Variants in RBMS3 observed in about 807,000 individuals in gnomAD.
RBMS3 encodes RNA-binding motif, single-stranded-interacting protein 3.
RBMS3 carries 27 observed loss-of-function variants against 66.8 expected under a neutral mutation model. That is an observed-to-expected ratio of 0.40 (90% CI 0.30 to 0.56). The LOEUF (loss-of-function observed/expected upper bound fraction) is 0.56, where lower values mean the gene tolerates loss of function less well. Ranked by LOEUF, RBMS3 falls within the 20% of genes least tolerant of loss-of-function variation. The probability of loss-of-function intolerance (pLI) is 0.40; values close to 1 mark genes in which losing one functional copy is unlikely to be tolerated. For missense variants in RBMS3, 513 were observed against 549.5 expected (o/e 0.93, Z 0.66); for synonymous variants, 188 against 183.0 (o/e 1.03, Z -0.22).
At chr3:29,608,307 A>G (rs1441590628) in intron 4 of RBMS3, among the ~76,000 whole-genome samples, 1 of 152,006 alleles carries the variant, frequency 6.6e-6, no homozygotes, top group Non-Finnish European at 1.5e-5. Context: ...TCTGAGTTAA[A>G]ATCAAACAAA....
chr3:29,376,911 A>C (rs1328217619), intron 1 of RBMS3, among the ~76,000 whole-genome samples: 1 of 152,008 alleles, frequency 6.6e-6, no homozygotes, highest in Admixed American at 6.5e-5. Flanking sequence ...CTCAAACAAC[A>C]ACAAAAACAA....
chr3:30,004,947 A>G lies in RBMS3; in HGVS notation c.*1085A>G, dbSNP rs1050238782. On this transcript the variant is annotated 3_prime_UTR_variant, in exon 15 of 15. Transcript: ENST00000383767. Reference sequence around the variant, plus strand: ...GTCAAAAAGTGCAAAAAAAAAAACAAAAAAAAAGCAATAGATAGAGAAATT... The same window carrying G: ...GTCAAAAAGTGCAAAAAAAAAAACAGAAAAAAAGCAATAGATAGAGAAATT... 1 of 151,224 alleles carries G rather than the reference A, an allele frequency of 6.6e-6. No individual in the cohort carries two copies. The highest frequency in any genetic ancestry group is 1.5e-5 in the Non-Finnish European group (1 of 67,474). The allele number at this position is 151,224 out of a possible 1,614,324, so 9.4% of individuals were successfully genotyped here.
At chr3:29,387,087 T>C (rs2039043070) in intron 1 of RBMS3, among the ~76,000 whole-genome samples, 1 of 152,220 alleles carries the variant, frequency 6.6e-6, no homozygotes, top group African/African-American at 2.4e-5. Flanking sequence ...TGGCGCTTAG[T>C]CCTTGGATCT....
chr3:29,370,906 A>T (rs1467693353), intron 1 of RBMS3, among the ~76,000 whole-genome samples: 1 of 152,204 alleles, frequency 6.6e-6, no homozygotes, highest in Non-Finnish European at 1.5e-5. Context: ...GGCTAGAGGG[A>T]TTCACAAATA....
intron 3 of RBMS3, among the ~76,000 whole-genome samples, chr3:29,579,861 G>A (rs1194457867): frequency 1.3e-5 from 2 of 152,142 alleles, no homozygotes. Flanking sequence ...AAATCAGTAA[G>A]TTTCTTTAAT....
intron 3 of RBMS3, among the ~76,000 whole-genome samples, chr3:29,513,461 A>G (rs1297385943): frequency 6.6e-6 from 1 of 152,104 alleles, no homozygotes; most frequent in Non-Finnish European, 1.5e-5. Flanking sequence ...CCCAGACTTT[A>G]TGGGAACTGA....
intron 11 of RBMS3, among the ~76,000 whole-genome samples, chr3:29,939,346 C>T (rs2061338364): frequency 6.6e-6 from 1 of 151,752 alleles, no homozygotes; most frequent in South Asian, 2.1e-4. Context: ...ATGTATTTTC[C>T]ATGCAATAAT....
intron 11 of RBMS3, among the ~76,000 whole-genome samples, chr3:29,938,755 A>G (rs994057571): frequency 7.9e-5 from 12 of 151,954 alleles, no homozygotes; most frequent in Non-Finnish European, 1.3e-4. Flanking sequence ...TCCTGGCATC[A>G]TGGAAAGATC....
intron 10 of RBMS3, among the ~76,000 whole-genome samples, chr3:29,935,358 A>G (rs1426745867): frequency 6.6e-6 from 1 of 152,074 alleles, no homozygotes; most frequent in Non-Finnish European, 1.5e-5. Flanking sequence ...TATTCTAGAC[A>G]TCCACTTTTC....
chr3:29,803,160 C>T (rs2057440688), intron 6 of RBMS3, among the ~76,000 whole-genome samples: 1 of 152,112 alleles, frequency 6.6e-6, no homozygotes, highest in Non-Finnish European at 1.5e-5. Context: ...AAGATCTTGG[C>T]AAATCCCTTT....
chr3:29,668,169 G>A (rs1340397187), intron 4 of RBMS3, among the ~76,000 whole-genome samples: 2 of 152,174 alleles, frequency 1.3e-5, no homozygotes, highest in African/African-American at 2.4e-5. Flanking sequence ...TACAGGAATT[G>A]TTTACAAAAA....
chr3:29,982,112 G>A (rs1577312608), intron 12 of RBMS3, among the ~76,000 whole-genome samples: 1 of 152,140 alleles, frequency 6.6e-6, no homozygotes, highest in Non-Finnish European at 1.5e-5. Flanking sequence ...CTTGTTATTG[G>A]TCTATTCAGG....
intron 1 of RBMS3, among the ~76,000 whole-genome samples, chr3:29,381,801 A>C (rs747517774): frequency 2.6e-5 from 4 of 152,224 alleles, no homozygotes; most frequent in Admixed American, 6.5e-5. Context: ...TGCTGAGTTC[A>C]TTTTTGTCTT....
intron 6 of RBMS3, among the ~76,000 whole-genome samples, chr3:29,843,627 A>G (rs1430702010): frequency 6.6e-6 from 1 of 152,104 alleles, no homozygotes; most frequent in Admixed American, 6.5e-5. Flanking sequence ...TGTATCTGCT[A>G]TTGTTTATCT....
intron 11 of RBMS3, among the ~76,000 whole-genome samples, chr3:29,939,382 G>A (rs1362871991): frequency 1.3e-5 from 2 of 151,834 alleles, no homozygotes; most frequent in African/African-American, 2.4e-5. Context: ...TGAGTTTTGG[G>A]CAAATAGAAG....
chr3:29,752,127 G>T (rs1169067956), intron 5 of RBMS3, among the ~76,000 whole-genome samples: 2 of 152,124 alleles, frequency 1.3e-5, no homozygotes, highest in African/African-American at 2.4e-5. Context: ...ATCGTGTGGT[G>T]GAAGTAGTTC....
intron 1 of RBMS3, among the ~76,000 whole-genome samples, chr3:29,323,736 C>T (rs866082592): frequency 2.0e-5 from 3 of 149,926 alleles, no homozygotes; most frequent in Middle Eastern, 3.4e-3. Context: ...ACCCCTTGGA[C>T]TGAATTCTAG....
At chr3:29,722,991 T>C (rs562752554) in intron 4 of RBMS3, among the ~76,000 whole-genome samples, 2 of 152,224 alleles carry the variant, frequency 1.3e-5, no homozygotes, top group African/African-American at 4.8e-5. Flanking sequence ...TTTTTGTTTT[T>C]TGAGATGGAG....
chr3:29,945,410 C>T (rs191870625), intron 12 of RBMS3, among the ~76,000 whole-genome samples: 187 of 151,736 alleles, frequency 1.2e-3, no homozygotes, highest in South Asian at 2.5e-3. Context: ...AGGAAGAATA[C>T]GTTAGCATTT....
Sources: gnomAD v4.1 joint callset for allele counts (sites outside exome capture counted in the v4.1 genomes callset) on GRCh38, gnomAD v4.1.1 for gene constraint, MANE v1.5 for transcripts, NCBI Gene and HGNC (gene_info 2026-07-23, HGNC 2026-07-21) for gene names.